MYH15: variants seen among roughly 807,000 people sequenced by gnomAD.
The protein encoded by MYH15 is myosin-15.
A neutral mutation model predicts 240.5 loss-of-function variants in MYH15; 227 were observed. That is an observed-to-expected ratio of 0.94 (90% confidence interval 0.85 to 1.05). The LOEUF (loss-of-function observed/expected upper bound fraction) is 1.05. Ranked by LOEUF, MYH15 falls within the 50% of genes least tolerant of loss-of-function variation. The pLI, the probability that MYH15 is intolerant of heterozygous loss-of-function variation, is 0.00. For synonymous variants in MYH15, 785 were observed against 796.7 expected (o/e 0.99, Z 0.25); for missense variants, 2,217 against 2,247.5 (o/e 0.99, Z 0.27).
intron 16 of MYH15, among the ~76,000 whole-genome samples, chr3:108,462,092 T>C (rs1223279312): frequency 6.6e-6 from 1 of 152,114 alleles, no homozygotes; most frequent in Non-Finnish European, 1.5e-5. Flanking sequence ...TTTTTTAGCT[T>C]GTGTGGACCA....
intron 28 of MYH15, among the ~76,000 whole-genome samples, chr3:108,419,351 A>G (rs2082662851): frequency 1.3e-5 from 2 of 152,208 alleles, no homozygotes; most frequent in Non-Finnish European, 2.9e-5. Context: ...TAAAAAAAGG[A>G]AGAAAAAAAT....
intron 1 of MYH15, among the ~76,000 whole-genome samples, chr3:108,516,972 G>C (rs1446526292): frequency 6.6e-6 from 1 of 152,148 alleles, no homozygotes; most frequent in African/African-American, 2.4e-5. Flanking sequence ...TCCCTCCACA[G>C]AAACTGTTCT....
intron 33 of MYH15, among the ~76,000 whole-genome samples, chr3:108,404,261 C>G (rs2082529930): frequency 6.6e-6 from 1 of 151,996 alleles, no homozygotes. Flanking sequence ...AGAGTTTTGT[C>G]TAAAAATGGG....
chr3:108,451,217 TA>T (rs1402212723), intron 21 of MYH15, among the ~76,000 whole-genome samples: 2 of 151,992 alleles, frequency 1.3e-5, no homozygotes, highest in African/African-American at 2.4e-5. Context: ...TTATCTCTAC[TA>T]AAAATATAAC....
At chr3:108,421,469 C>T (rs1381920608) in intron 27 of MYH15, among the ~76,000 whole-genome samples, 3 of 152,184 alleles carry the variant, frequency 2.0e-5, no homozygotes, top group Admixed American at 6.5e-5. Context: ...TATTAGGATC[C>T]TTTCTAGAAT....
intron 12 of MYH15, among the ~76,000 whole-genome samples, chr3:108,474,159 G>T (rs1178512431): frequency 1.3e-5 from 2 of 151,828 alleles, no homozygotes; most frequent in African/African-American, 4.8e-5. Context: ...GTCATCAACA[G>T]AGCATACATG....
chr3:108,464,590 G>T, intron 15 of MYH15, 48 bp downstream of exon 15: 1 of 1,533,372 alleles, frequency 6.5e-7, no homozygotes, highest in South Asian at 1.3e-5. Flanking sequence ...GAGCGCATTT[G>T]AAACAAAGTC....
In MYH15 at chr3:108,441,087, C is replaced by A; in HGVS notation, c.2829G>T (p.Lys943Asn). 6.2e-7 allele frequency: 1 copy of A among 1,614,190 alleles called. No individual in the cohort carries two copies. Among genetic ancestry groups the A allele is most frequent in the African/African-American group, 1.3e-5 (1 of 75,046 alleles). The change falls in exon 23 of 41, where the codon AAG (lysine) becomes AAT (asparagine). Residue 943 changes from lysine to asparagine, a missense_variant. Physicochemically the swap from Lys to Asn is moderately conservative, Grantham distance 94. Transcript: ENST00000693548. ...TTGTTTCCAGGTCATCGATTTCTTT[C>A]TTCAACTCAAAACATTCATCTTCGA... ...RKLEDECFEL[K>N]KEIDDLETML...
the MYH15 span, among the ~76,000 whole-genome samples, chr3:108,546,657 G>A: frequency 2.0e-5 from 3 of 151,974 alleles, no homozygotes; most frequent in Non-Finnish European, 4.4e-5. Flanking sequence ...CAACTAAAAT[G>A]TTATATTTAG....
At chr3:108,474,478 TG>T (rs2083203653) in intron 12 of MYH15, among the ~76,000 whole-genome samples, 1 of 150,282 alleles carries the variant, frequency 6.7e-6, no homozygotes, top group African/African-American at 2.4e-5. Flanking sequence ...TTTTTATTTT[TG>T]CTTTTTTTTG....
At position 108,463,119 on chromosome 3, in the gene MYH15, G is replaced by A. The variant is rs1382309756; in HGVS notation, c.1856C>T (p.Thr619Ile). The A allele has an allele frequency of 6.2e-7, 1 of 1,609,974 alleles. No individual in the cohort carries two copies. Among genetic ancestry groups the A allele is most frequent in the Middle Eastern group, 1.7e-4 (1 of 6,022 alleles). ...AAGATTGTATGACTCACCACTGTCAGTACTCATGTAATTTTCAAAAAGGCT... is the reference window on the plus strand; with the variant it reads ...AAGATTGTATGACTCACCACTGTCAATACTCATGTAATTTTCAAAAAGGCT... ...LASLFENYMS[T>I]DSAIPFGEKK... Residue 619 changes from threonine (T) to isoleucine (I), a missense_variant, in exon 16 of 41, where the codon ACT (threonine) becomes ATT (isoleucine). By Grantham distance (89) the Thr-to-Ile change is moderately conservative. Transcript: ENST00000693548.
chr3:108,533,670 A>G (rs1020957118), upstream of MYH15, among the ~76,000 whole-genome samples: 1 of 152,230 alleles, frequency 6.6e-6, no homozygotes, highest in Non-Finnish European at 1.5e-5. Flanking sequence ...TGGGGACTGC[A>G]TAAGACCTTA....
rs1553761699 is a variant in MYH15 at position 108,383,744 on chromosome 3, A to AAT, written c.5632-16_5632-15insAT. ...GCTTGTGTTTCCTATAAAAATAAAA[A>AAT]AAAAAAAAAAGAAATCTCCATGCCT... is the stretch of plus-strand genomic sequence containing the variant. On this transcript the variant is annotated splice_polypyrimidine_tract_variant and intron_variant, in intron 39 of 40. Transcript: ENST00000693548. 6 of 1,533,390 alleles carry AAT rather than the reference A, an allele frequency of 3.9e-6. No individual in the cohort carries two copies. The highest frequency in any genetic ancestry group is 1.9e-4 in the Middle Eastern group (1 of 5,346). 95.0% of individuals were successfully genotyped at this position (1,533,390 alleles called of 1,614,324 possible).
rs1306496118 is a variant in MYH15 at position 108,439,783 on chromosome 3, C to T, written c.3029G>A (p.Ser1010Asn). ...DDLHMEEEKL[S>N]SLSKANLKLE... ...CTTCAGATTTGCTTTGCTCAGGCTGCTGAGCTTCTCCTCCTCCATGTGCAG... is the reference window on the plus strand; with the variant it reads ...CTTCAGATTTGCTTTGCTCAGGCTGTTGAGCTTCTCCTCCTCCATGTGCAG... The change falls in exon 24 of 41, where the codon AGC becomes AAC. Residue 1010 changes from serine to asparagine, a missense_variant. Physicochemically the swap from Ser to Asn is conservative, Grantham distance 46. Coordinates refer to ENST00000693548, the MANE Select transcript of MYH15 (RefSeq NM_014981.3). The T allele has an allele frequency of 1.2e-6, 2 of 1,612,334 alleles. No homozygotes were observed. The highest frequency in any genetic ancestry group is 1.7e-6 in the Non-Finnish European group (2 of 1,179,314).
intron 27 of MYH15, among the ~76,000 whole-genome samples, chr3:108,424,156 C>A (rs759295646): frequency 6.6e-6 from 1 of 152,166 alleles, no homozygotes; most frequent in Non-Finnish European, 1.5e-5. Context: ...AGAAAAAGAG[C>A]CAAAGACTTC....
At chr3:108,392,365 G>A (rs2082428534) in intron 36 of MYH15, among the ~76,000 whole-genome samples, 2 of 152,188 alleles carry the variant, frequency 1.3e-5, no homozygotes, top group Non-Finnish European at 2.9e-5. Context: ...CTATAATTCT[G>A]TGATTCACTA....
rs557396314 is a variant in MYH15 at position 108,443,868 on chromosome 3, T to A, written c.2655+772A>T. On this transcript the variant is annotated intron_variant, in intron 22 of 40. Transcript: ENST00000693548. ...AGTGGAGTCTAGGCATCTTTATTTT[T>A]TTTTTTTTAATGTTTCACAAATAAA... is the stretch of plus-strand genomic sequence containing the variant. Among the ~76,000 whole-genome samples, 56 of 151,474 alleles carry A rather than the reference T, an allele frequency of 3.7e-4. 1 individual carries two copies. In the South Asian group the frequency reaches 9.6e-3, roughly 26 times the overall value.
At position 108,501,800 on chromosome 3, in the gene MYH15, A is replaced by G. The variant is rs1219219123; in HGVS notation, c.251T>C (p.Met84Thr). The G allele has an allele frequency of 6.2e-7, 1 of 1,614,118 alleles. No homozygotes were observed. The highest frequency in any genetic ancestry group is 1.7e-5 in the Admixed American group (1 of 60,016). Residue 84 changes from methionine (M) to threonine (T), a missense_variant, in exon 3 of 41, where the codon ATG becomes ACG. Coordinates refer to ENST00000693548, the MANE Select transcript of MYH15 (RefSeq NM_014981.3). ...IQQMNPPEFE[M>T]IEDMAMLTHL... is the part of the protein sequence containing the mutation. ...AGTCAGCATTGCCATGTCTTCAATC[A>G]TTTCAAACTCTGGAGGATTCATCTG...
At chr3:108,517,704 G>T (rs2083585739) in intron 1 of MYH15, among the ~76,000 whole-genome samples, 1 of 152,164 alleles carries the variant, frequency 6.6e-6, no homozygotes, top group African/African-American at 2.4e-5. Flanking sequence ...CTGACCTCAA[G>T]TGATCCACCC....
Sources: gnomAD v4.1 joint callset for allele counts (sites outside exome capture counted in the v4.1 genomes callset) on GRCh38, gnomAD v4.1.1 for gene constraint, MANE v1.5 for transcripts, NCBI Gene and HGNC (gene_info 2026-07-23, HGNC 2026-07-21) for gene names.